Variants in FBXO47 observed in about 807,000 individuals in gnomAD.
FBXO47 encodes the protein F-box protein 47.
In FBXO47, 34 loss-of-function variants were observed where a neutral mutation model predicts 53.9. That is an observed-to-expected ratio of 0.63 (90% CI 0.48 to 0.84). The LOEUF is 0.84. FBXO47 is among the 40% of genes least tolerant of loss of function. The pLI is 0.00. For missense variants in FBXO47, 485 were observed against 541.3 expected (o/e 0.90, Z 1.03); for synonymous variants, 165 against 181.6 (o/e 0.91, Z 0.73).
At chr17:38,951,229 T>C (rs1051416888) in intron 6 of FBXO47, among the ~76,000 whole-genome samples, 2 of 151,890 alleles carry the variant, frequency 1.3e-5, no homozygotes, top group Non-Finnish European at 2.9e-5. Context: ...AGGGTCACAC[T>C]CTGTTGCTCA....
intron 2 of FBXO47, 55 bp downstream of exon 2, chr17:38,962,790 A>T: frequency 7.6e-7 from 1 of 1,310,646 alleles, no homozygotes. Flanking sequence ...TTCTTGGGAA[A>T]AATTAAAATA....
At chr17:38,963,803 T>TTG (rs1491557379) in intron 1 of FBXO47, among the ~76,000 whole-genome samples, 123 of 60,650 alleles carry the variant, frequency 2.0e-3, no homozygotes, top group Non-Finnish European at 3.8e-3. Flanking sequence ...TGTTTTGTTG[T>TTG]TTTTTTTTTT....
intron 2 of FBXO47, among the ~76,000 whole-genome samples, chr17:38,962,354 GCCTGTAATC>G (rs1905853415): frequency 6.6e-6 from 1 of 152,138 alleles, no homozygotes; most frequent in African/African-American, 2.4e-5. Context: ...AGTGACTCAT[GCCTGTAATC>G]CCAGTACTTT....
In FBXO47 at chr17:38,945,038, G is replaced by A. The variant is rs750768965; in HGVS notation, c.715C>T (p.Arg239Ter). Residue 239 changes from arginine (R) to a stop codon, truncating the protein, a stop_gained, in exon 7 of 11, where the codon CGA (arginine) becomes TGA (stop). Coordinates refer to ENST00000378079, the MANE Select transcript of FBXO47 (RefSeq NM_001008777.3). LOFTEE classifies it high-confidence loss of function. ...ACCATTGGCCATGGTTTTAATATTC[G>A]CGTCAACCAAAAAGCAGAATCACTT... ...HRSDSAFWLT[R>*]ILKPWPMVNQ... 5.0e-6 allele frequency: 8 copies of A among 1,613,764 alleles called. No individual in the cohort carries two copies. Among genetic ancestry groups the A allele is most frequent in the Admixed American group, 1.7e-5 (1 of 59,952 alleles).
chr17:38,954,837 C>A lies in FBXO47; in HGVS notation c.507+19G>T. On this transcript the variant is annotated intron_variant, in intron 5 of 10. Coordinates refer to ENST00000378079, the MANE Select transcript of FBXO47 (RefSeq NM_001008777.3). The stretch of plus-strand genomic sequence containing the variant: ...GTTCCAAAGGTATCCCTTTTCTTCT[C>A]TGATTAAAAAAAATGTACCTGTAAA... The A allele has an allele frequency of 6.6e-7, 1 of 1,521,824 alleles. No individual in the cohort carries two copies. Among genetic ancestry groups the A allele is most frequent in the Non-Finnish European group, 9.1e-7 (1 of 1,104,444 alleles). The allele number at this position is 1,521,824 out of a possible 1,614,324, so 94.3% of individuals were successfully genotyped here. A position where few individuals can be genotyped will look rare whatever the true frequency, so the allele number is the denominator to read the frequency against.
chr17:38,957,923 T>A (rs949292377), intron 3 of FBXO47, among the ~76,000 whole-genome samples: 6 of 152,030 alleles, frequency 3.9e-5, no homozygotes, highest in Non-Finnish European at 8.8e-5. Flanking sequence ...AACCTCCACC[T>A]CCCAGGTTCA....
intron 5 of FBXO47, 80 bp from the exon 6 acceptor site, chr17:38,951,769 G>A (rs192230015): frequency 1.8e-5 from 19 of 1,062,112 alleles, no homozygotes; most frequent in South Asian, 1.3e-4. Flanking sequence ...GGTGGCTCAC[G>A]CCTGTAATCC....
At chr17:38,955,381 C>T (rs1381380083) in intron 4 of FBXO47, among the ~76,000 whole-genome samples, 1 of 145,934 alleles carries the variant, frequency 6.9e-6, no homozygotes, top group Non-Finnish European at 1.5e-5. Flanking sequence ...GAGCAAGATT[C>T]CATCTCAAAA....
intron 5 of FBXO47, among the ~76,000 whole-genome samples, chr17:38,952,256 A>G (rs527429100): frequency 5.9e-4 from 90 of 152,226 alleles, no homozygotes; most frequent in African/African-American, 1.7e-3. Flanking sequence ...CCCTGAGTAG[A>G]GGCTGCGGTG....
At chr17:38,957,355 C>T (rs1000573363) in intron 3 of FBXO47, 102 bp from the exon 4 acceptor site, 1 of 743,942 alleles carries the variant, frequency 1.3e-6, no homozygotes, top group African/African-American at 1.7e-5. Context: ...TGGTATATCA[C>T]AGTGGACTAT....
At chr17:38,946,273 TAAAA>T in intron 6 of FBXO47, among the ~76,000 whole-genome samples, 1 of 88,866 alleles carries the variant, frequency 1.1e-5, no homozygotes, top group Non-Finnish European at 1.9e-5. Context: ...TAAATATATA[TAAAA>T]ATATATATAA....
chr17:38,954,623 T>C (rs1040789133), intron 5 of FBXO47, among the ~76,000 whole-genome samples: 1 of 152,090 alleles, frequency 6.6e-6, no homozygotes, highest in African/African-American at 2.4e-5. Flanking sequence ...ATTCAGCATA[T>C]AGAATGGTTT....
rs1250219803 is a variant in FBXO47 at position 38,962,933 on chromosome 17, A to G, written c.93T>C (p.Leu31=). 2 of 1,613,460 alleles carry G rather than the reference A, an allele frequency of 1.2e-6. No individual in the cohort carries two copies. ...TTGATATGGGTTGAAAGCCTGAGCC[A>G]AGGGTCTTGGAATAACAGCTGGTTT... is the stretch of plus-strand genomic sequence containing the variant. ...NRQTSCYSKT[L]GSGFQPISTF... The change falls in exon 2 of 11, where the codon CTT becomes CTC. Residue 31 remains leucine, a synonymous_variant. Transcript: ENST00000378079.
Position 38,942,787 on chromosome 17 carries a change from A to G in FBXO47, c.1074T>C (p.Phe358=), listed in dbSNP as rs1247233926. Residue 358 remains phenylalanine, a synonymous_variant, in exon 9 of 11, where the codon TTT becomes TTC. Transcript: ENST00000378079. ...RTIELARLVV[F]LALVCEKELY... ...ACTTATTTTTACTTACCAAAGCCAA[A>G]AAGACTACGAGCCTTGCCAGTTCAA... The G allele has an allele frequency of 1.2e-6, 2 of 1,602,700 alleles. No individual in the cohort carries two copies. Among genetic ancestry groups the G allele is most frequent in the Non-Finnish European group, 1.7e-6 (2 of 1,177,256 alleles).
In FBXO47 at chr17:38,945,964, T is replaced by A. The variant is rs1481046002; in HGVS notation, c.617-828A>T. 1.3e-3 allele frequency among the ~76,000 whole-genome samples: 176 copies of A among 131,836 alleles called. 1 individual carries two copies. The highest frequency in any genetic ancestry group is 3.4e-3 in the African/African-American group (119 of 34,626). The allele number at this position is 131,836 out of a possible 152,430, so 86.5% of individuals were successfully genotyped here. Reference sequence around the variant, plus strand: ...AAAAAAAAAAATATATATATATATATAAATATATAAATATATATACAAATA... The same window carrying A: ...AAAAAAAAAAATATATATATATATAAAAATATATAAATATATATACAAATA... On this transcript the variant is annotated intron_variant, in intron 6 of 10. Transcript: ENST00000378079.
Position 38,945,947 on chromosome 17 carries a change from A to AT in FBXO47, c.617-812_617-811insA, listed in dbSNP as rs1436282577. On this transcript the variant is annotated intron_variant, in intron 6 of 10. Coordinates refer to ENST00000378079, the MANE Select transcript of FBXO47 (RefSeq NM_001008777.3). ...CGAGACTCTGGCTCAAAAAAAAAAAAAATATATATATATATATAAATATAT... is the reference window on the plus strand; with the variant it reads ...CGAGACTCTGGCTCAAAAAAAAAAAATAATATATATATATATATAAATATAT... Among the ~76,000 whole-genome samples the AT allele has an allele frequency of 7.5e-4, 99 of 131,138 alleles. 1 individual carries two copies. In the East Asian group the frequency reaches 8.3e-3, roughly 11 times the overall value. The allele number at this position is 131,138 out of a possible 152,430, so 86.0% of individuals were successfully genotyped here.
At chr17:38,952,768 G>A (rs150554973) in intron 5 of FBXO47, among the ~76,000 whole-genome samples, 2 of 149,844 alleles carry the variant, frequency 1.3e-5, no homozygotes, top group Admixed American at 1.3e-4. Flanking sequence ...GCTTATAAAT[G>A]AGAATGATCC....
intron 9 of FBXO47, among the ~76,000 whole-genome samples, chr17:38,939,627 A>C: frequency 6.7e-6 from 1 of 149,158 alleles, no homozygotes; most frequent in South Asian, 2.1e-4. Context: ...TTCCTAGCTA[A>C]AACTGACTGA....
At chr17:38,962,273 C>T (rs1299898349) in intron 2 of FBXO47, among the ~76,000 whole-genome samples, 1 of 152,112 alleles carries the variant, frequency 6.6e-6, no homozygotes, top group African/African-American at 2.4e-5. Context: ...TAATTACAGG[C>T]ATGTTTTCAA....
Sources: allele counts gnomAD v4.1 joint callset (sites outside exome capture counted in the v4.1 genomes callset), GRCh38; gene constraint gnomAD v4.1.1; transcripts MANE v1.5; gene names NCBI Gene and HGNC (gene_info 2026-07-23, HGNC 2026-07-21).